SLC14A2: variants seen among roughly 807,000 people sequenced by gnomAD.
The protein encoded by SLC14A2 is solute carrier family 14 member 2.
In SLC14A2, 91 loss-of-function variants were observed where a neutral mutation model predicts 104.6. That is an observed-to-expected ratio of 0.87 (90% CI 0.73 to 1.04). The LOEUF (loss-of-function observed/expected upper bound fraction) is 1.04. Ranked by LOEUF, SLC14A2 falls within the 50% of genes least tolerant of loss-of-function variation. The pLI, the probability that SLC14A2 is intolerant of heterozygous loss-of-function variation, is 0.00. For missense variants in SLC14A2, 1,189 were observed against 1,156.0 expected (o/e 1.03, Z -0.41); for synonymous variants, 476 against 466.4 (o/e 1.02, Z -0.27).
intron 2 of SLC14A2, among the ~76,000 whole-genome samples, chr18:45,506,905 G>A (rs894678117): frequency 6.6e-6 from 1 of 152,216 alleles, no homozygotes; most frequent in Non-Finnish European, 1.5e-5. Flanking sequence ...CGTAAAGTGA[G>A]AGGACCTGAC....
At chr18:45,284,269 A>G (rs1190699293) in intron 1 of SLC14A2, among the ~76,000 whole-genome samples, 1 of 152,112 alleles carries the variant, frequency 6.6e-6, no homozygotes, top group African/African-American at 2.4e-5. Context: ...TTTGCTTTGT[A>G]TGACATGGGG....
chr18:45,352,534 G>A (rs914868384), intron 1 of SLC14A2, among the ~76,000 whole-genome samples: 5 of 152,022 alleles, frequency 3.3e-5, no homozygotes, highest in African/African-American at 7.3e-5. Flanking sequence ...CTAGGCACTC[G>A]GGCTAGATTC....
chr18:45,669,201 A>T, intron 15 of SLC14A2, 105 bp from the exon 16 acceptor site: 1 of 875,236 alleles, frequency 1.1e-6, no homozygotes, highest in Admixed American at 2.4e-5. Flanking sequence ...AATACCCAGC[A>T]GGCTGCTTTT....
intron 1 of SLC14A2, among the ~76,000 whole-genome samples, chr18:45,376,160 C>G (rs1478009275): frequency 6.6e-6 from 1 of 152,134 alleles, no homozygotes; most frequent in Non-Finnish European, 1.5e-5. Flanking sequence ...TGGAGTTAAC[C>G]TCACTTCTAA....
intron 1 of SLC14A2, among the ~76,000 whole-genome samples, chr18:45,339,755 T>C (rs111663411): frequency 1.3e-5 from 2 of 152,176 alleles, no homozygotes; most frequent in African/African-American, 2.4e-5. Context: ...TGGTGATGCA[T>C]TGGATTCCAG....
At chr18:45,436,920 C>A (rs975409426) in intron 1 of SLC14A2, among the ~76,000 whole-genome samples, 7 of 152,102 alleles carry the variant, frequency 4.6e-5, no homozygotes, top group African/African-American at 1.7e-4. Flanking sequence ...AACTGAGATT[C>A]AAATGTCAAA....
At chr18:45,678,456 C>T in intron 18 of SLC14A2, among the ~76,000 whole-genome samples, 1 of 152,140 alleles carries the variant, frequency 6.6e-6, no homozygotes, top group East Asian at 1.9e-4. Flanking sequence ...ATAGCTTCTC[C>T]CCTGTTGCCA....
intron 2 of SLC14A2, among the ~76,000 whole-genome samples, chr18:45,592,522 G>A (rs746939096): frequency 6.6e-6 from 1 of 152,214 alleles, no homozygotes; most frequent in Non-Finnish European, 1.5e-5. Context: ...TTCCCATAGT[G>A]GCCAAGCATG....
intron 1 of SLC14A2, among the ~76,000 whole-genome samples, chr18:45,337,009 A>G (rs1271124267): frequency 6.6e-6 from 1 of 151,000 alleles, no homozygotes; most frequent in Admixed American, 6.6e-5. Flanking sequence ...TTTTTTTTTA[A>G]GTGTGCATAC....
chr18:45,565,962 G>A (rs1366386870), intron 2 of SLC14A2, among the ~76,000 whole-genome samples: 1 of 152,216 alleles, frequency 6.6e-6, no homozygotes, highest in Non-Finnish European at 1.5e-5. Flanking sequence ...GCACTAGAGT[G>A]TCAGGTGGGG....
chr18:45,591,945 T>G (rs1340724883), intron 2 of SLC14A2, among the ~76,000 whole-genome samples: 1 of 152,222 alleles, frequency 6.6e-6, no homozygotes, highest in Non-Finnish European at 1.5e-5. Context: ...TGCAGAGTTT[T>G]TGGAGCCCTG....
At chr18:45,580,273 T>C (rs1414056105) in intron 2 of SLC14A2, among the ~76,000 whole-genome samples, 1 of 152,168 alleles carries the variant, frequency 6.6e-6, no homozygotes, top group Non-Finnish European at 1.5e-5. Flanking sequence ...CATGATTGCA[T>C]GTACAATAAA....
chr18:45,592,027 C>A (rs11660138), intron 2 of SLC14A2, among the ~76,000 whole-genome samples: 4,628 of 152,236 alleles, frequency 0.03, 103 homozygotes, highest in South Asian at 0.061. Context: ...GAGTCCAATA[C>A]CTCTATACCC....
At chr18:45,267,804 G>T (rs1340711039) in intron 1 of SLC14A2, among the ~76,000 whole-genome samples, 3 of 152,136 alleles carry the variant, frequency 2.0e-5, no homozygotes, top group Non-Finnish European at 4.4e-5. Flanking sequence ...AGATTGCAAA[G>T]GTGTTTCCCA....
intron 1 of SLC14A2, among the ~76,000 whole-genome samples, chr18:45,256,225 A>G (rs765083309): frequency 8.2e-4 from 123 of 150,794 alleles, no homozygotes; most frequent in Non-Finnish European, 1.6e-3. Context: ...AAGTATTTGG[A>G]TTGTTGTTTC....
chr18:45,256,066 A>T (rs923714697), intron 1 of SLC14A2, among the ~76,000 whole-genome samples: 19 of 152,028 alleles, frequency 1.2e-4, no homozygotes, highest in Non-Finnish European at 4.4e-5. Context: ...GGGTTATGGG[A>T]CTCAGCGTTC....
At chr18:45,423,723 A>C (rs890399208) in intron 1 of SLC14A2, 2 of 152,254 alleles carry the variant, frequency 1.3e-5, no homozygotes, top group African/African-American at 4.8e-5. Context: ...GACATCCAGC[A>C]TATCTAGTCA....
chr18:45,194,032 A>G, the SLC14A2 span, among the ~76,000 whole-genome samples: 1 of 152,210 alleles, frequency 6.6e-6, no homozygotes, highest in Non-Finnish European at 1.5e-5. Flanking sequence ...TAGAAATGCA[A>G]TTGATTTCTG....
intron 2 of SLC14A2, among the ~76,000 whole-genome samples, chr18:45,501,176 T>C (rs2043192145): frequency 6.6e-6 from 1 of 152,198 alleles, no homozygotes; most frequent in South Asian, 2.1e-4. Flanking sequence ...ACACAGAGAA[T>C]AATGAACAGA....
Sources: allele counts gnomAD v4.1 joint callset (sites outside exome capture counted in the v4.1 genomes callset), GRCh38; gene constraint gnomAD v4.1.1; transcripts MANE v1.5; gene names NCBI Gene and HGNC (gene_info 2026-07-23, HGNC 2026-07-21).